Variants in SNTB1 observed in about 807,000 individuals in gnomAD.
SNTB1 encodes beta-1-syntrophin.
In SNTB1, 36 loss-of-function variants were observed where a neutral mutation model predicts 48.9. That is an observed-to-expected ratio of 0.74 (90% CI 0.56 to 0.97). The LOEUF (loss-of-function observed/expected upper bound fraction) is 0.97. Ranked by LOEUF, SNTB1 falls within the 50% of genes least tolerant of loss-of-function variation. The pLI, the probability that SNTB1 is intolerant of heterozygous loss-of-function variation, is 0.00. For missense variants in SNTB1, 786 were observed against 703.4 expected (o/e 1.12, Z -1.33); for synonymous variants, 299 against 294.6 (o/e 1.01, Z -0.15).
At chr8:120,650,676 G>T (rs2129714189) in intron 2 of SNTB1, among the ~76,000 whole-genome samples, 1 of 152,288 alleles carries the variant, frequency 6.6e-6, no homozygotes, top group African/African-American at 2.4e-5. Context: ...GGCATTAACT[G>T]AACTTCAGAT....
chr8:120,615,788 C>CT (rs987376269), intron 3 of SNTB1, among the ~76,000 whole-genome samples: 11 of 152,262 alleles, frequency 7.2e-5, no homozygotes, highest in African/African-American at 2.6e-4. Flanking sequence ...TGTCTTTCTC[C>CT]TTCCTTAGTT....
chr8:120,621,573 A>C (rs1328849080), intron 3 of SNTB1, among the ~76,000 whole-genome samples: 3 of 152,236 alleles, frequency 2.0e-5, no homozygotes, highest in African/African-American at 7.2e-5. Context: ...TGCATAATTA[A>C]AGTAATGGCA....
At chr8:120,642,526 A>G (rs1400875252) in intron 2 of SNTB1, among the ~76,000 whole-genome samples, 5 of 152,176 alleles carry the variant, frequency 3.3e-5, no homozygotes, top group Non-Finnish European at 7.4e-5. Context: ...GCCTATTGAT[A>G]GTTGTCCCCA....
intron 1 of SNTB1, among the ~76,000 whole-genome samples, chr8:120,796,386 G>A (rs1198392902): frequency 3.9e-5 from 6 of 152,104 alleles, no homozygotes; most frequent in South Asian, 2.1e-4. Context: ...AAATAAGATC[G>A]CATGTGAGGT....
intron 2 of SNTB1, among the ~76,000 whole-genome samples, chr8:120,683,340 C>T (rs755557226): frequency 6.6e-6 from 1 of 152,008 alleles, no homozygotes; most frequent in African/African-American, 2.4e-5. Context: ...AAACAATGAT[C>T]TACATAAATT....
At chr8:120,782,671 C>G (rs1311383664) in intron 1 of SNTB1, among the ~76,000 whole-genome samples, 1 of 151,946 alleles carries the variant, frequency 6.6e-6, no homozygotes, top group Non-Finnish European at 1.5e-5. Flanking sequence ...AACAGAGTTA[C>G]CATCCAATAA....
chr8:120,641,913 G>A (rs1414803093), intron 2 of SNTB1, among the ~76,000 whole-genome samples: 2 of 152,186 alleles, frequency 1.3e-5, no homozygotes, highest in African/African-American at 4.8e-5. Context: ...CTGAAGTGTA[G>A]GGAGGATCTA....
At chr8:120,667,795 G>T (rs1295323842) in intron 2 of SNTB1, among the ~76,000 whole-genome samples, 1 of 152,034 alleles carries the variant, frequency 6.6e-6, no homozygotes, top group South Asian at 2.1e-4. Context: ...GTCTTTTCAG[G>T]TATTGCTATT....
intron 1 of SNTB1, among the ~76,000 whole-genome samples, chr8:120,698,710 A>G (rs1160536742): frequency 9.2e-5 from 14 of 152,160 alleles, no homozygotes; most frequent in Admixed American, 9.2e-4. Context: ...TTGTACTGCC[A>G]AGCACTCCTG....
In SNTB1 at chr8:120,590,739, G is replaced by A. The variant is rs528504257; in HGVS notation, c.997-15514C>T. ...TCTGTAGTCTAGGCTGGAGTGCAGT[G>A]GCGCGATCTCGGCTCACTGCAACCT... On this transcript the variant is annotated intron_variant, in intron 3 of 6. Coordinates refer to ENST00000517992, the MANE Select transcript of SNTB1 (RefSeq NM_021021.4). 4.8e-4 allele frequency among the ~76,000 whole-genome samples: 70 copies of A among 147,128 alleles called. 1 individual carries two copies. Among genetic ancestry groups the A allele is most frequent in the Non-Finnish European group, 2.1e-4 (14 of 67,304 alleles).
intron 3 of SNTB1, among the ~76,000 whole-genome samples, chr8:120,621,326 C>G (rs1367495145): frequency 1.3e-5 from 2 of 152,168 alleles, no homozygotes; most frequent in Non-Finnish European, 2.9e-5. Flanking sequence ...TATAAGTGGA[C>G]AGCTAACTAG....
intron 2 of SNTB1, among the ~76,000 whole-genome samples, chr8:120,640,168 G>T (rs534290624): frequency 4.6e-5 from 7 of 151,804 alleles, no homozygotes; most frequent in Admixed American, 4.6e-4. Context: ...CTCATGATTT[G>T]GCTCTCTGTT....
At chr8:120,716,675 A>C (rs932782581) in intron 1 of SNTB1, among the ~76,000 whole-genome samples, 2 of 152,224 alleles carry the variant, frequency 1.3e-5, no homozygotes, top group African/African-American at 4.8e-5. Flanking sequence ...TGTCCCATGG[A>C]GGATGAAAGT....
chr8:120,688,801 A>G (rs1238135837), intron 2 of SNTB1, among the ~76,000 whole-genome samples: 2 of 152,186 alleles, frequency 1.3e-5, no homozygotes, highest in African/African-American at 2.4e-5. Flanking sequence ...TGTAATACTG[A>G]GGAGTTTAGA....
intron 2 of SNTB1, among the ~76,000 whole-genome samples, chr8:120,674,255 C>T (rs66559448): frequency 0.15 from 22,750 of 152,140 alleles, 3,202 homozygotes; most frequent in African/African-American, 0.37. Context: ...CTGGGTCACC[C>T]TTGTGTTCCC....
intron 1 of SNTB1, among the ~76,000 whole-genome samples, chr8:120,786,755 C>T (rs1819929220): frequency 6.6e-6 from 1 of 152,188 alleles, no homozygotes; most frequent in South Asian, 2.1e-4. Context: ...GGCTCCTTCC[C>T]TTCCCCCTGA....
At chr8:120,764,696 C>T (rs1469404683) in intron 1 of SNTB1, among the ~76,000 whole-genome samples, 3 of 152,124 alleles carry the variant, frequency 2.0e-5, no homozygotes, top group Non-Finnish European at 2.9e-5. Context: ...AAAGCTCCAT[C>T]AGTTACTTTA....
At position 120,714,519 on chromosome 8, in the gene SNTB1, A is replaced by C. The variant is rs994844621; in HGVS notation, c.572-20611T>G. Among the ~76,000 whole-genome samples, 4 of 152,076 alleles carry C rather than the reference A, an allele frequency of 2.6e-5. 1 individual carries two copies. The highest frequency in any genetic ancestry group is 6.5e-5 in the Admixed American group (1 of 15,270). The stretch of plus-strand genomic sequence containing the variant: ...TTCTGGCAAAAACATTCTTCATTAG[A>C]AGCAGGATCTTCAAATCTAGACAGG... On this transcript the variant is annotated intron_variant, in intron 1 of 6. Coordinates refer to ENST00000517992, the MANE Select transcript of SNTB1 (RefSeq NM_021021.4).
chr8:120,771,007 T>C (rs1306104110), intron 1 of SNTB1, among the ~76,000 whole-genome samples: 1 of 152,204 alleles, frequency 6.6e-6, no homozygotes. Context: ...GGATCATCTA[T>C]TTCCTGGATT....
Sources: gnomAD v4.1 joint callset for allele counts (sites outside exome capture counted in the v4.1 genomes callset) on GRCh38, gnomAD v4.1.1 for gene constraint, MANE v1.5 for transcripts, NCBI Gene and HGNC (gene_info 2026-07-23, HGNC 2026-07-21) for gene names.